SPAG16: variants seen among roughly 807,000 people sequenced by gnomAD.
SPAG16 encodes sperm associated antigen 16.
Under a neutral mutation model 80.4 loss-of-function variants are expected in SPAG16, and 86 were observed. The ratio of observed to expected loss-of-function variants is 1.07; its 90% CI spans 0.90 to 1.28. SPAG16 has a LOEUF of 1.28. Among genes scored for constraint, SPAG16 ranks in the 50% most tolerant of loss-of-function variants. SPAG16 has a pLI of 0.00. For missense variants in SPAG16, 870 were observed against 765.3 expected, an observed-to-expected ratio of 1.14 and a Z score of -1.61; for synonymous variants, 294 against 265.9, an observed-to-expected ratio of 1.11 and a Z score of -1.03.
intron 15 of SPAG16, among the ~76,000 whole-genome samples, chr2:214,177,975 A>ATATATATATATG (rs2057170496): frequency 1.1e-4 from 1 of 9,100 alleles, no homozygotes; most frequent in East Asian, 1.1e-3. Flanking sequence ...GTGTATGTAT[A>ATATATATATATG]TATATATATA....
At chr2:213,987,671 G>A (rs1296265968) in intron 12 of SPAG16, among the ~76,000 whole-genome samples, 1 of 151,608 alleles carries the variant, frequency 6.6e-6, no homozygotes, top group Non-Finnish European at 1.5e-5. Context: ...TATATATTTG[G>A]CACTGTGATG....
chr2:213,946,514 CTT>C (rs2079481135), intron 12 of SPAG16, among the ~76,000 whole-genome samples: 1 of 152,120 alleles, frequency 6.6e-6, no homozygotes, highest in African/African-American at 2.4e-5. Flanking sequence ...TTTTATGTCT[CTT>C]TATTTTGAAT....
chr2:213,925,535 A>G (rs765214631), intron 11 of SPAG16, among the ~76,000 whole-genome samples: 1 of 152,070 alleles, frequency 6.6e-6, no homozygotes, highest in Non-Finnish European at 1.5e-5. Context: ...TATTTTTAGT[A>G]GGGATATGGT....
intron 10 of SPAG16, among the ~76,000 whole-genome samples, chr2:213,817,104 C>T (rs779871734): frequency 4.0e-5 from 6 of 151,278 alleles, no homozygotes; most frequent in Admixed American, 6.6e-5. Flanking sequence ...TAAAATTACA[C>T]AGTACACTAT....
In SPAG16 at chr2:214,013,946, T is replaced by C. The variant is rs201564476; in HGVS notation, c.1401-5T>C. On this transcript the variant is annotated splice_region_variant and splice_polypyrimidine_tract_variant and intron_variant, in intron 12 of 15. Coordinates refer to ENST00000331683, the MANE Select transcript of SPAG16 (RefSeq NM_024532.5). ...TCCTAAAATTCTTAATTTCTCTCTTTATAGTGAAAGATGCAGATGTACTTT... is the reference window on the plus strand; with the variant it reads ...TCCTAAAATTCTTAATTTCTCTCTTCATAGTGAAAGATGCAGATGTACTTT... 6 of 1,612,566 alleles carry C rather than the reference T, an allele frequency of 3.7e-6. No individual in the cohort carries two copies. Among genetic ancestry groups the C allele is most frequent in the Admixed American group, 3.3e-5 (2 of 59,966 alleles).
intron 10 of SPAG16, among the ~76,000 whole-genome samples, chr2:213,820,249 A>G (rs1340134459): frequency 6.6e-6 from 1 of 151,758 alleles, no homozygotes; most frequent in African/African-American, 2.4e-5. Context: ...TAATTTTTGT[A>G]TTTTTTGCAG....
chr2:213,540,385 T>C (rs1427939316), intron 10 of SPAG16, among the ~76,000 whole-genome samples: 1 of 152,140 alleles, frequency 6.6e-6, no homozygotes, highest in African/African-American at 2.4e-5. Context: ...TGAATCTTTA[T>C]ATTACACAAA....
At chr2:213,772,174 A>T (rs1191995307) in intron 10 of SPAG16, among the ~76,000 whole-genome samples, 2 of 152,036 alleles carry the variant, frequency 1.3e-5, no homozygotes, top group Non-Finnish European at 2.9e-5. Flanking sequence ...TGTTATCTGT[A>T]TTCCTAGGTA....
intron 12 of SPAG16, among the ~76,000 whole-genome samples, chr2:214,002,369 A>G (rs1254111287): frequency 2.0e-5 from 3 of 152,244 alleles, no homozygotes; most frequent in African/African-American, 7.2e-5. Flanking sequence ...AAATAAGGCA[A>G]GGGGAACTCA....
chr2:213,862,463 T>G (rs1375864935), intron 10 of SPAG16, 22 bp from the exon 11 acceptor site: 2 of 1,610,820 alleles, frequency 1.2e-6, no homozygotes, highest in African/African-American at 2.7e-5. Flanking sequence ...CCCATAACTC[T>G]TTTTTCTTTC....
chr2:213,459,661 T>C (rs2072245543), intron 9 of SPAG16, among the ~76,000 whole-genome samples: 1 of 152,224 alleles, frequency 6.6e-6, no homozygotes, highest in Non-Finnish European at 1.5e-5. Flanking sequence ...TCCATCAGAA[T>C]TGTCTGGCAG....
chr2:214,123,263 C>A (rs2054307378), intron 14 of SPAG16, among the ~76,000 whole-genome samples: 1 of 149,102 alleles, frequency 6.7e-6, no homozygotes, highest in Admixed American at 6.7e-5. Flanking sequence ...TATTGCACCA[C>A]CCCCAAATTT....
intron 15 of SPAG16, among the ~76,000 whole-genome samples, chr2:214,289,682 C>T (rs897045195): frequency 6.6e-6 from 1 of 152,088 alleles, no homozygotes; most frequent in African/African-American, 2.4e-5. Flanking sequence ...AGCTTTGTTC[C>T]TTTGGCTGAG....
intron 10 of SPAG16, among the ~76,000 whole-genome samples, chr2:213,577,716 A>G (rs548813191): frequency 1.6e-4 from 25 of 152,146 alleles, no homozygotes; most frequent in Non-Finnish European, 3.4e-4. Flanking sequence ...ATTCAAGGTA[A>G]GGCAAGAAAC....
At chr2:213,560,967 G>T (rs1035075575) in intron 10 of SPAG16, among the ~76,000 whole-genome samples, 2 of 152,180 alleles carry the variant, frequency 1.3e-5, no homozygotes, top group Non-Finnish European at 2.9e-5. Context: ...AGGTTCAAGA[G>T]AATCTCCTGT....
chr2:213,655,434 G>C (rs1410408875), intron 10 of SPAG16, among the ~76,000 whole-genome samples: 1 of 152,184 alleles, frequency 6.6e-6, no homozygotes, highest in Non-Finnish European at 1.5e-5. Context: ...AGCTTGTTAG[G>C]CTGAAATATC....
At chr2:214,330,452 T>TGAGA (rs1346466645) in intron 15 of SPAG16, among the ~76,000 whole-genome samples, 1 of 152,180 alleles carries the variant, frequency 6.6e-6, no homozygotes, top group Non-Finnish European at 1.5e-5. Flanking sequence ...AGAAATACTC[T>TGAGA]GAGATGAAGA....
chr2:214,041,314 G>A (rs1325821336), intron 13 of SPAG16, among the ~76,000 whole-genome samples: 1 of 151,652 alleles, frequency 6.6e-6, no homozygotes, highest in African/African-American at 2.4e-5. Flanking sequence ...GTTACTTTTT[G>A]GGGGTTGCAG....
chr2:213,692,360 A>G (rs2064977439), intron 10 of SPAG16, among the ~76,000 whole-genome samples: 1 of 152,192 alleles, frequency 6.6e-6, no homozygotes, highest in Non-Finnish European at 1.5e-5. Context: ...CACTTCACTT[A>G]ATGGAATCTG....
Sources: gnomAD v4.1 joint callset for allele counts (sites outside exome capture counted in the v4.1 genomes callset) on GRCh38, gnomAD v4.1.1 for gene constraint, MANE v1.5 for transcripts, NCBI Gene and HGNC (gene_info 2026-07-23, HGNC 2026-07-21) for gene names.